The following TMEFF1 variants were observed in gnomAD, a reference collection of about 807,000 sequenced individuals.
TMEFF1 encodes the protein transmembrane protein with EGF like and two follistatin like domains 1.
TMEFF1 carries 20 observed loss-of-function variants against 47.5 expected under a neutral mutation model. The observed-to-expected ratio is 0.42, with a 90% CI of 0.30 to 0.61. TMEFF1 has a LOEUF of 0.61. Ranked by LOEUF, TMEFF1 falls within the 20% of genes least tolerant of loss-of-function variation. The pLI is 0.19. For missense variants in TMEFF1, 411 were observed against 471.1 expected, an observed-to-expected ratio of 0.87 and a Z score of 1.18; for synonymous variants, 162 against 166.3, an observed-to-expected ratio of 0.97 and a Z score of 0.20.
intron 5 of TMEFF1, among the ~76,000 whole-genome samples, chr9:100,527,942 C>T (rs565170352): frequency 9.2e-5 from 14 of 152,298 alleles, no homozygotes; most frequent in Non-Finnish European, 1.3e-4. Flanking sequence ...ACCTGACCCC[C>T]GAGCAGCCTA....
At chr9:100,512,546 T>C (rs747768519) in intron 3 of TMEFF1, among the ~76,000 whole-genome samples, 3 of 152,160 alleles carry the variant, frequency 2.0e-5, no homozygotes, top group East Asian at 3.8e-4. Context: ...TCTCTGCTTT[T>C]TAAAATGACT....
intron 2 of TMEFF1, among the ~76,000 whole-genome samples, chr9:100,508,791 C>A (rs1027169089): frequency 6.7e-6 from 1 of 149,162 alleles, no homozygotes; most frequent in African/African-American, 2.5e-5. Flanking sequence ...TTTTCATTCT[C>A]ATTTTTTTGG....
chr9:100,547,869 T>C lies in TMEFF1; in HGVS notation c.686T>C (p.Ile229Thr), dbSNP rs1838764704. Residue 229 changes from isoleucine to threonine, a missense_variant, in exon 6 of 10, where the codon ATA (isoleucine) becomes ACA (threonine). Physicochemically the swap from Ile to Thr is moderately conservative, Grantham distance 89. Coordinates refer to ENST00000374879, the MANE Select transcript of TMEFF1 (RefSeq NM_003692.5). ...TGTATAAAGCAAGAACAAATTGATA[T>C]AAGGCATCTTGGTCATTGCACAGGT... The part of the protein sequence containing the change: ...ASCIKQEQID[I>T]RHLGHCTDTD... 6.2e-7 allele frequency: 1 copy of C among 1,605,114 alleles called. No individual in the cohort carries two copies.
At chr9:100,481,745 A>G (rs1365177108) in intron 1 of TMEFF1, among the ~76,000 whole-genome samples, 3 of 152,112 alleles carry the variant, frequency 2.0e-5, no homozygotes, top group Admixed American at 2.0e-4. Context: ...TTTAGCCTGC[A>G]CAGGTTTTTT....
chr9:100,536,979 C>G (rs1838524561), intron 5 of TMEFF1, among the ~76,000 whole-genome samples: 1 of 152,184 alleles, frequency 6.6e-6, no homozygotes, highest in African/African-American at 2.4e-5. Flanking sequence ...ATGAATATGT[C>G]AGTCTGAAGA....
chr9:100,544,403 G>A (rs977844583), intron 5 of TMEFF1, among the ~76,000 whole-genome samples: 1 of 152,216 alleles, frequency 6.6e-6, no homozygotes, highest in African/African-American at 2.4e-5. Flanking sequence ...GAGAGCTTGT[G>A]CAGAGGAACT....
At chr9:100,526,442 CCT>C (rs941682112) in intron 5 of TMEFF1, among the ~76,000 whole-genome samples, 2 of 151,788 alleles carry the variant, frequency 1.3e-5, no homozygotes, top group Non-Finnish European at 2.9e-5. Context: ...CTTTTTTTCC[CCT>C]GTTTTCTGTT....
chr9:100,535,108 T>A (rs776530514), intron 5 of TMEFF1, among the ~76,000 whole-genome samples: 5 of 152,202 alleles, frequency 3.3e-5, no homozygotes, highest in Admixed American at 6.5e-5. Context: ...CCAGGATTGA[T>A]CCCTACTTTA....
At chr9:100,518,196 A>C (rs1016352828) in intron 5 of TMEFF1, among the ~76,000 whole-genome samples, 1 of 152,216 alleles carries the variant, frequency 6.6e-6, no homozygotes. Flanking sequence ...GCTGGGTGCA[A>C]TGGCTCATGT....
At chr9:100,572,329 C>T (rs1308943083) in intron 8 of TMEFF1, among the ~76,000 whole-genome samples, 189 bp from the exon 9 acceptor site, 1 of 152,066 alleles carries the variant, frequency 6.6e-6, no homozygotes, top group African/African-American at 2.4e-5. Flanking sequence ...GTGAAAGACG[C>T]ACCATGTAGG....
chr9:100,534,371 A>G (rs1166724466), intron 5 of TMEFF1, among the ~76,000 whole-genome samples: 2 of 151,874 alleles, frequency 1.3e-5, no homozygotes, highest in East Asian at 3.9e-4. Context: ...TCAGGGTTAG[A>G]TGAGGCAAAT....
chr9:100,479,616 TG>T (rs1357351183), intron 1 of TMEFF1, among the ~76,000 whole-genome samples: 1 of 152,186 alleles, frequency 6.6e-6, no homozygotes, highest in Non-Finnish European at 1.5e-5. Flanking sequence ...TGGGATCATA[TG>T]AGGTGTGTTC....
intron 2 of TMEFF1, 102 bp from the exon 3 acceptor site, chr9:100,508,903 A>T: frequency 7.9e-7 from 1 of 1,263,198 alleles, no homozygotes; most frequent in Non-Finnish European, 1.0e-6. Context: ...ACTATTCAGT[A>T]GCGAAGTATG....
At position 100,508,971 on chromosome 9, in the gene TMEFF1, T is replaced by C. The variant is rs1350974154; in HGVS notation, c.307-34T>C. On this transcript the variant is annotated intron_variant, in intron 2 of 9. Transcript: ENST00000374879. ...GAAATAAACTATTAATATTCATGCCTAGTTCTGAGAATTTATTTTTGTTGC... is the reference window on the plus strand; with the variant it reads ...GAAATAAACTATTAATATTCATGCCCAGTTCTGAGAATTTATTTTTGTTGC... 11 of 1,535,156 alleles carry C rather than the reference T, an allele frequency of 7.2e-6. No individual in the cohort carries two copies. The East Asian group carries it at 1.7e-4, about 23-fold the overall frequency.
At chr9:100,544,198 T>A (rs909068820) in intron 5 of TMEFF1, among the ~76,000 whole-genome samples, 2 of 152,042 alleles carry the variant, frequency 1.3e-5, no homozygotes, top group East Asian at 3.9e-4. Context: ...ATCAGTGTTA[T>A]TTGTCTCCTG....
At chr9:100,514,019 A>G (rs1838018410) in intron 4 of TMEFF1, among the ~76,000 whole-genome samples, 1 of 152,204 alleles carries the variant, frequency 6.6e-6, no homozygotes, top group Admixed American at 6.5e-5. Context: ...CAGAATTGAG[A>G]TTGACTAATC....
chr9:100,504,389 CCT>C (rs1285504423), intron 2 of TMEFF1, among the ~76,000 whole-genome samples: 2 of 152,154 alleles, frequency 1.3e-5, no homozygotes, highest in Non-Finnish European at 2.9e-5. Flanking sequence ...GACATTAAGT[CCT>C]CTGCTCAGTG....
rs75463879 is a variant in TMEFF1 at position 100,548,509 on chromosome 9, A to G, written c.709+617A>G. 1.9e-3 allele frequency among the ~76,000 whole-genome samples: 282 copies of G among 152,338 alleles called. 1 individual carries two copies. Among genetic ancestry groups the G allele is most frequent in the African/African-American group, 6.5e-3 (271 of 41,584 alleles). ...CTAGAAATATTCAGTCTCTAAAGCC[A>G]GAGTTCCCAATTTTCTTTCCCCAGT... On this transcript the variant is annotated intron_variant, in intron 6 of 9. Transcript: ENST00000374879.
At chr9:100,575,617 C>T (rs745371453) in intron 9 of TMEFF1, among the ~76,000 whole-genome samples, 2 of 152,104 alleles carry the variant, frequency 1.3e-5, no homozygotes, top group South Asian at 2.1e-4. Context: ...TCTTTGAAAT[C>T]GAACGAAATG....
Sources: allele counts gnomAD v4.1 joint callset (sites outside exome capture counted in the v4.1 genomes callset), GRCh38; gene constraint gnomAD v4.1.1; transcripts MANE v1.5; gene names NCBI Gene and HGNC (gene_info 2026-07-23, HGNC 2026-07-21).